The following GOLGA3 variants were observed in gnomAD, a reference collection of about 807,000 sequenced individuals.
GOLGA3 encodes the protein golgin A3.
GOLGA3 carries 75 observed loss-of-function variants against 169.4 expected under a neutral mutation model. The observed-to-expected ratio is 0.44, with a 90% confidence interval of 0.37 to 0.54. GOLGA3 has a LOEUF of 0.54. GOLGA3 is among the 20% of genes least tolerant of loss of function. The probability of loss-of-function intolerance (pLI) is 0.00; values close to 1 mark genes in which losing one functional copy is unlikely to be tolerated. For missense variants in GOLGA3, 1,899 were observed against 1,930.0 expected (o/e 0.98, Z 0.30); for synonymous variants, 824 against 822.4 (o/e 1.00, Z -0.03).
chr12:132,774,598 C>CA, intron 22 of GOLGA3: 1 of 525,556 alleles, frequency 1.9e-6, no homozygotes, highest in Non-Finnish European at 3.4e-6. Context: ...CCACAGACTA[C>CA]AGCTCTCCCA....
At position 132,772,555 on chromosome 12, in the gene GOLGA3, A is replaced by AC. The variant is rs1354843313; in HGVS notation, c.*549_*550insG. On this transcript the variant is annotated 3_prime_UTR_variant, in exon 24 of 24. Coordinates refer to ENST00000450791, the MANE Select transcript of GOLGA3 (RefSeq NM_001389683.1). ...CGAGACTCTGTCTCAAAAAAAAAAA[A>AC]AAAAAAAAAACAAAGATTGGATTAT... The AC allele has an allele frequency of 6.6e-6, 1 of 151,842 alleles. No individual in the cohort carries two copies. The highest frequency in any genetic ancestry group is 1.5e-5 in the Non-Finnish European group (1 of 68,010). 9.4% of individuals were successfully genotyped at this position (151,842 alleles called of 1,614,324 possible).
intron 13 of GOLGA3, 82 bp downstream of exon 13, chr12:132,788,945 C>CCCCAGACACAGGCCCCG: frequency 8.0e-7 from 1 of 1,254,158 alleles, no homozygotes; most frequent in South Asian, 1.4e-5. Context: ...ACAGGCCCCG[C>CCCCAGACACAGGCCCCG]CCCAGACACA....
chr12:132,819,527 T>G (rs1950125056), intron 2 of GOLGA3, among the ~76,000 whole-genome samples: 1 of 151,238 alleles, frequency 6.6e-6, no homozygotes, highest in South Asian at 2.1e-4. Context: ...AGACTCCGTC[T>G]CAAAAAAAGA....
At chr12:132,813,456 A>C in intron 3 of GOLGA3, 37 bp from the exon 4 acceptor site, 1 of 1,150,822 alleles carries the variant, frequency 8.7e-7, no homozygotes, top group South Asian at 1.3e-5. Flanking sequence ...AACTCATAAA[A>C]TACCAGGATG....
At position 132,804,868 on chromosome 12, in the gene GOLGA3, C is replaced by T. The variant is rs141595813; in HGVS notation, c.1445G>A (p.Arg482Gln). The T allele has an allele frequency of 4.3e-6, 7 of 1,614,014 alleles. No homozygotes were observed. Among genetic ancestry groups the T allele is most frequent in the African/African-American group, 1.3e-5 (1 of 74,928 alleles). ...CATGTTCTGCAGGTCAGTCATGGCT[C>T]GCTCCAGGTCCCAGCACGACTGCTT... ...TLKQSCWDLERAMTDLQNMLE... is the reference protein window; with the variant it reads ...TLKQSCWDLEQAMTDLQNMLE... The change falls in exon 7 of 24, where the codon CGA becomes CAA. Residue 482 changes from arginine (R) to glutamine (Q), a missense_variant. Transcript: ENST00000450791. The surrounding 1 kb of genome is among the most constrained non-coding windows in gnomAD (Gnocchi z 4.1).
rs1949514739 is a variant in GOLGA3 at position 132,808,160 on chromosome 12, A to G, written c.909T>C (p.Ala303=). The change falls in exon 5 of 24, where the codon GCT becomes GCC. Residue 303 remains alanine, a synonymous_variant. Transcript: ENST00000450791. ...TDDRLENTSL[A]GDSVSEVDGN... ...CATCCACCTCAGACACGCTGTCTCC[A>G]GCCAGGGAGGTGTTCTCCAGACGGT... 2 of 1,612,440 alleles carry G rather than the reference A, an allele frequency of 1.2e-6. No individual in the cohort carries two copies. The highest frequency in any genetic ancestry group is 2.7e-5 in the African/African-American group (2 of 74,862).
At position 132,828,864 on chromosome 12, in the gene GOLGA3, T is replaced by A. The variant is rs1278250785; in HGVS notation, c.-245A>T. 1 of 152,086 alleles carries A rather than the reference T, an allele frequency of 6.6e-6. No homozygotes were observed. The highest frequency in any genetic ancestry group is 1.5e-5 in the Non-Finnish European group (1 of 68,000). 9.4% of individuals were successfully genotyped at this position (152,086 alleles called of 1,614,324 possible). On this transcript the variant is annotated 5_prime_UTR_variant, in exon 1 of 24. Coordinates refer to ENST00000450791, the MANE Select transcript of GOLGA3 (RefSeq NM_001389683.1). The stretch of plus-strand genomic sequence containing the variant: ...GGATGCTCCGGCGGAGACGTGGCCG[T>A]GAGAGGGGCGGGGCGAGCGGTGCAT...
At chr12:132,821,934 CACGTCCTCCCTCA>C (rs1260200812) in intron 2 of GOLGA3, 49 bp downstream of exon 2, 1 of 1,067,510 alleles carries the variant, frequency 9.4e-7, no homozygotes, top group African/African-American at 1.7e-5. Flanking sequence ...CCCTCAACAC[CACGTCCTCCCTCA>C]ACACCAGGTC....
chr12:132,800,528 A>C (rs1949080766), intron 8 of GOLGA3, among the ~76,000 whole-genome samples: 2 of 152,130 alleles, frequency 1.3e-5, no homozygotes, highest in South Asian at 4.1e-4. Flanking sequence ...ATTGAAGAAA[A>C]GTTCTATTGT....
chr12:132,791,112 C>T (rs1593280108), intron 12 of GOLGA3, 104 bp downstream of exon 12: 5 of 349,012 alleles, frequency 1.4e-5, no homozygotes, highest in African/African-American at 4.6e-5. Flanking sequence ...AAGATGTTAC[C>T]TTCTTCTCAA....
chr12:132,784,328 G>T (rs1237616563), intron 15 of GOLGA3, 21 bp from the exon 16 acceptor site: 2 of 1,595,190 alleles, frequency 1.3e-6, no homozygotes, highest in South Asian at 2.2e-5. Flanking sequence ...AGATGGAACG[G>T]GCGCTTGGTC....
intron 2 of GOLGA3, among the ~76,000 whole-genome samples, chr12:132,820,669 ATAAC>A (rs1046441751): frequency 2.0e-5 from 3 of 152,292 alleles, no homozygotes; most frequent in Admixed American, 6.5e-5. Context: ...AACTGAGTGA[ATAAC>A]TAAGTCACCC....
Position 132,822,265 on chromosome 12 carries a change from G to A in GOLGA3, c.-137C>T, listed in dbSNP as rs1950252420. ...GTCTCCCATTTTCAGGAGAAGATCT[G>A]ATGACTCACAAATGACTTGATGTCA... On this transcript the variant is annotated 5_prime_UTR_variant, in exon 2 of 24. Coordinates refer to ENST00000450791, the MANE Select transcript of GOLGA3 (RefSeq NM_001389683.1). 1.4e-6 allele frequency: 2 copies of A among 1,404,494 alleles called. No homozygotes were observed. The highest frequency in any genetic ancestry group is 3.0e-5 in the African/African-American group (2 of 65,836). The allele number at this position is 1,404,494 out of a possible 1,614,324, so 87.0% of individuals were successfully genotyped here.
At chr12:132,776,902 T>TC (rs2045278574) in intron 20 of GOLGA3, 56 bp downstream of exon 20, 26 of 1,547,240 alleles carry the variant, frequency 1.7e-5, no homozygotes, top group Non-Finnish European at 2.0e-5. Flanking sequence ...TGGAGTGAAG[T>TC]CACCCAGGGC....
intron 16 of GOLGA3, among the ~76,000 whole-genome samples, chr12:132,783,515 C>CGGGGGG (rs1227824526): frequency 6.7e-6 from 1 of 149,698 alleles, no homozygotes; most frequent in Non-Finnish European, 1.5e-5. Context: ...GAGTGGGGGG[C>CGGGGGG]GCCGGGACAC....
chr12:132,822,291 A>C lies in GOLGA3; in HGVS notation c.-163T>G. ...ATGACTCACAAATGACTTGATGTCA[A>C]ACCAGCTAATATCATGATACCTGAC... On this transcript the variant is annotated 5_prime_UTR_variant, in exon 2 of 24. Transcript: ENST00000450791. The C allele has an allele frequency of 1.5e-6, 2 of 1,374,974 alleles. No individual in the cohort carries two copies. The highest frequency in any genetic ancestry group is 1.9e-6 in the Non-Finnish European group (2 of 1,069,906). The allele number at this position is 1,374,974 out of a possible 1,614,324, so 85.2% of individuals were successfully genotyped here. A position where few individuals can be genotyped will look rare whatever the true frequency, so the allele number is the denominator to read the frequency against.
At chr12:132,818,647 C>T (rs1950088873) in intron 2 of GOLGA3, among the ~76,000 whole-genome samples, 1 of 152,234 alleles carries the variant, frequency 6.6e-6, no homozygotes, top group Non-Finnish European at 1.5e-5. Context: ...TAAAACACAG[C>T]TGACAATCTT....
At chr12:132,778,060 A>G (rs1347732539) in intron 18 of GOLGA3, among the ~76,000 whole-genome samples, 1 of 152,210 alleles carries the variant, frequency 6.6e-6, no homozygotes. Context: ...CTCGGTCTAA[A>G]TAGTTTTTAT....
At chr12:132,797,061 C>T (rs1026168296) in intron 9 of GOLGA3, among the ~76,000 whole-genome samples, 60 of 152,212 alleles carry the variant, frequency 3.9e-4, no homozygotes, top group Admixed American at 2.6e-4. Context: ...CAGAGGCCCC[C>T]GCAGTGAACA....
Sources: gnomAD v4.1 joint callset for allele counts (sites outside exome capture counted in the v4.1 genomes callset) on GRCh38, gnomAD v4.1.1 for gene constraint, Gnocchi (gnomAD v3.1) non-coding constraint, MANE v1.5 for transcripts, NCBI Gene and HGNC (gene_info 2026-07-23, HGNC 2026-07-21) for gene names.